Variants in FBXW11 observed in about 807,000 individuals in gnomAD.
FBXW11 encodes F-box and WD repeat domain containing 11.
Under a neutral mutation model 77.6 loss-of-function variants are expected in FBXW11, and 19 were observed. That is an observed-to-expected ratio of 0.24 (90% CI 0.17 to 0.36). The LOEUF (loss-of-function observed/expected upper bound fraction) is 0.36, where lower values mean the gene tolerates loss of function less well. Among genes scored for constraint, FBXW11 ranks in the 10% least tolerant of loss-of-function variants. The pLI, the probability that FBXW11 is intolerant of heterozygous loss-of-function variation, is 1.00. For synonymous variants in FBXW11, 235 were observed against 249.4 expected, an observed-to-expected ratio of 0.94 and a Z score of 0.54; for missense variants, 334 against 704.2, an observed-to-expected ratio of 0.47 and a Z score of 5.95.
intron 1 of FBXW11, among the ~76,000 whole-genome samples, chr5:171,979,458 T>C (rs1004309153): frequency 1.3e-5 from 2 of 152,252 alleles, no homozygotes; most frequent in African/African-American, 4.8e-5. Context: ...CTTTACGTTT[T>C]TCATTACATT....
intron 2 of FBXW11, among the ~76,000 whole-genome samples, chr5:171,946,916 G>A (rs1281099195): frequency 7.0e-6 from 1 of 142,340 alleles, no homozygotes; most frequent in Non-Finnish European, 1.5e-5. Context: ...CCGGGTTCAA[G>A]CAATTTTCCT....
chr5:171,952,314 G>C (rs2569088), intron 2 of FBXW11, among the ~76,000 whole-genome samples: 126,743 of 147,126 alleles, frequency 0.86, 55,847 homozygotes, highest in East Asian at 1. Context: ...CTTTTTCAAA[G>C]TCTATTTCGT....
chr5:171,864,789 A>AC (rs1757281135), intron 13 of FBXW11, among the ~76,000 whole-genome samples: 1 of 152,106 alleles, frequency 6.6e-6, no homozygotes, highest in African/African-American at 2.4e-5. Flanking sequence ...ACACACACAC[A>AC]AAAAAACAAT....
chr5:171,946,594 G>A (rs975102211), intron 2 of FBXW11, among the ~76,000 whole-genome samples: 1 of 151,874 alleles, frequency 6.6e-6, no homozygotes, highest in African/African-American at 2.4e-5. Flanking sequence ...CCTACCTCTG[G>A]GGCTTGTTGT....
intron 1 of FBXW11, among the ~76,000 whole-genome samples, chr5:171,976,216 G>A (rs751378410): frequency 5.3e-5 from 8 of 152,150 alleles, no homozygotes; most frequent in Non-Finnish European, 1.0e-4. Flanking sequence ...GAACCAGAGA[G>A]GGGAGAGGGG....
chr5:171,985,043 A>G (rs529127866), intron 1 of FBXW11, among the ~76,000 whole-genome samples: 1 of 152,332 alleles, frequency 6.6e-6, no homozygotes, highest in Non-Finnish European at 1.5e-5. Context: ...TCATATCAAT[A>G]CAAACACACA....
chr5:171,922,813 CATT>C (rs1281231727), intron 2 of FBXW11, among the ~76,000 whole-genome samples: 2 of 152,130 alleles, frequency 1.3e-5, no homozygotes, highest in Non-Finnish European at 2.9e-5. Context: ...TTGTTATTGA[CATT>C]ATACGACAAG....
chr5:171,965,626 T>C (rs1057465742), intron 1 of FBXW11, among the ~76,000 whole-genome samples: 2 of 151,856 alleles, frequency 1.3e-5, no homozygotes, highest in Admixed American at 1.3e-4. Flanking sequence ...TGAAGGGTAA[T>C]GTTCTTTTCA....
intron 2 of FBXW11, among the ~76,000 whole-genome samples, chr5:171,938,955 G>T (rs540589703): frequency 1.3e-5 from 2 of 152,292 alleles, no homozygotes; most frequent in South Asian, 4.1e-4. Context: ...GCAAAGATAG[G>T]CCAGGCGCAG....
At chr5:171,951,633 G>A (rs1763323247) in intron 2 of FBXW11, among the ~76,000 whole-genome samples, 1 of 152,070 alleles carries the variant, frequency 6.6e-6, no homozygotes, top group Non-Finnish European at 1.5e-5. Flanking sequence ...TGAGATTACA[G>A]GTGCATGCCA....
chr5:171,974,408 T>A (rs1164175745), intron 1 of FBXW11, among the ~76,000 whole-genome samples: 1 of 149,314 alleles, frequency 6.7e-6, no homozygotes. Flanking sequence ...CACTCCACCC[T>A]GGATGACAGG....
At chr5:171,957,052 A>T (rs1454609963) in intron 2 of FBXW11, among the ~76,000 whole-genome samples, 1 of 152,228 alleles carries the variant, frequency 6.6e-6, no homozygotes, top group Non-Finnish European at 1.5e-5. Flanking sequence ...GACAGGTGTC[A>T]GATCTGGCCT....
At chr5:172,003,909 CTTG>C (rs1255486823) in intron 1 of FBXW11, among the ~76,000 whole-genome samples, 1 of 152,194 alleles carries the variant, frequency 6.6e-6, no homozygotes, top group African/African-American at 2.4e-5. Context: ...TGAAAGTTAT[CTTG>C]TTAAGCATTA....
At chr5:172,006,106 G>A (rs545969089) in intron 1 of FBXW11, among the ~76,000 whole-genome samples, 11 of 151,658 alleles carry the variant, frequency 7.3e-5, no homozygotes, top group African/African-American at 9.7e-5. Flanking sequence ...CGAAACAGAG[G>A]AAAGAAAAAA....
At chr5:171,974,200 C>T (rs1383306380) in intron 1 of FBXW11, among the ~76,000 whole-genome samples, 3 of 151,924 alleles carry the variant, frequency 2.0e-5, no homozygotes, top group Non-Finnish European at 2.9e-5. Context: ...TTTGGGAGAC[C>T]GAGGGTGGCG....
At chr5:171,924,376 G>A (rs1761770892) in intron 2 of FBXW11, among the ~76,000 whole-genome samples, 1 of 152,040 alleles carries the variant, frequency 6.6e-6, no homozygotes, top group South Asian at 2.1e-4. Context: ...ATCAAACATT[G>A]CCTTTTCCAA....
At chr5:171,990,811 C>CT (rs925239320) in intron 1 of FBXW11, among the ~76,000 whole-genome samples, 4 of 149,592 alleles carry the variant, frequency 2.7e-5, no homozygotes, top group Middle Eastern at 3.2e-3. Flanking sequence ...GAATGAGAAA[C>CT]TTTTTTTTTT....
chr5:171,878,155 C>T (rs777361133), intron 7 of FBXW11, 26 bp from the exon 8 acceptor site: 25 of 1,487,220 alleles, frequency 1.7e-5, no homozygotes, highest in African/African-American at 1.1e-4. Flanking sequence ...TAGCCACAAA[C>T]GATGATTAAT....
intron 1 of FBXW11, among the ~76,000 whole-genome samples, chr5:171,997,685 G>A (rs1205894031): frequency 1.3e-5 from 2 of 152,110 alleles, no homozygotes; most frequent in South Asian, 4.2e-4. Flanking sequence ...CATAAAGAAC[G>A]CTAATATACA....
Sources: allele counts gnomAD v4.1 joint callset (sites outside exome capture counted in the v4.1 genomes callset), GRCh38; gene constraint gnomAD v4.1.1; transcripts MANE v1.5; gene names NCBI Gene and HGNC (gene_info 2026-07-23, HGNC 2026-07-21).